Variants in CSMD1 observed in about 807,000 individuals in gnomAD.
The protein encoded by CSMD1 is CUB and sushi domain-containing protein 1.
A neutral mutation model predicts 417.5 loss-of-function variants in CSMD1; 213 were observed. The observed-to-expected ratio is 0.51, with a 90% CI of 0.46 to 0.57. The LOEUF (loss-of-function observed/expected upper bound fraction) is 0.57, where lower values mean the gene tolerates loss of function less well. Ranked by LOEUF, CSMD1 falls within the 20% of genes least tolerant of loss-of-function variation. CSMD1 has a pLI of 0.00. For missense variants in CSMD1, 6,923 were observed against 4,529.7 expected, an observed-to-expected ratio of 1.53 and a Z score of -15.17; for synonymous variants, 2,862 against 1,736.8, an observed-to-expected ratio of 1.65 and a Z score of -16.11.
chr8:4,446,680 G>C (rs1798809599), intron 2 of CSMD1, among the ~76,000 whole-genome samples: 1 of 151,832 alleles, frequency 6.6e-6, no homozygotes, highest in Non-Finnish European at 1.5e-5. Flanking sequence ...AGTCTCCTGA[G>C]TAGCTGCGAT....
intron 1 of CSMD1, among the ~76,000 whole-genome samples, chr8:4,970,748 C>CT (rs1426178433): frequency 6.6e-6 from 1 of 152,032 alleles, no homozygotes; most frequent in Non-Finnish European, 1.5e-5. Context: ...TGCCGTGGTT[C>CT]TTTTTTTGAC....
chr8:4,131,755 A>C (rs1459809161), intron 3 of CSMD1, among the ~76,000 whole-genome samples: 4 of 79,414 alleles, frequency 5.0e-5, no homozygotes, highest in Non-Finnish European at 9.9e-5. Flanking sequence ...TACAAATGTG[A>C]CTTTTTTTTT....
chr8:4,006,971 G>A (rs1008737398), intron 4 of CSMD1, among the ~76,000 whole-genome samples: 2 of 151,714 alleles, frequency 1.3e-5, no homozygotes, highest in African/African-American at 2.4e-5. Context: ...GGGACTACAG[G>A]CACACACCAC....
At chr8:3,177,344 T>G (rs1340300299) in intron 37 of CSMD1, among the ~76,000 whole-genome samples, 2 of 152,154 alleles carry the variant, frequency 1.3e-5, no homozygotes, top group East Asian at 1.9e-4. Flanking sequence ...CAGCCCCCAG[T>G]GCAGAGGCTC....
chr8:4,502,082 G>A (rs986366859), intron 2 of CSMD1, among the ~76,000 whole-genome samples: 8 of 152,014 alleles, frequency 5.3e-5, no homozygotes, highest in East Asian at 3.9e-4. Flanking sequence ...TTCTACATAT[G>A]TTACCTACAA....
At chr8:4,699,947 A>G (rs568103562) in intron 1 of CSMD1, among the ~76,000 whole-genome samples, 71 of 152,340 alleles carry the variant, frequency 4.7e-4, no homozygotes, top group Middle Eastern at 6.8e-3. Flanking sequence ...TAGGATTAGA[A>G]TAAGACAGGC....
chr8:4,006,264 A>G (rs1816102589), intron 4 of CSMD1, among the ~76,000 whole-genome samples: 1 of 152,196 alleles, frequency 6.6e-6, no homozygotes, highest in Non-Finnish European at 1.5e-5. Context: ...CACCCACAGG[A>G]TCATGACTCT....
chr8:3,901,800 T>C (rs1439162230), intron 5 of CSMD1, among the ~76,000 whole-genome samples: 1 of 152,198 alleles, frequency 6.6e-6, no homozygotes, highest in Non-Finnish European at 1.5e-5. Flanking sequence ...TTTATTAAGC[T>C]CTTGGGGTGT....
At chr8:3,782,656 C>T (rs1245641675) in intron 5 of CSMD1, among the ~76,000 whole-genome samples, 2 of 152,122 alleles carry the variant, frequency 1.3e-5, no homozygotes, top group Non-Finnish European at 2.9e-5. Context: ...TTAAAAAATG[C>T]TATATATTCT....
At chr8:3,031,795 C>T (rs1810356389) in intron 50 of CSMD1, among the ~76,000 whole-genome samples, 1 of 151,244 alleles carries the variant, frequency 6.6e-6, no homozygotes, top group Non-Finnish European at 1.5e-5. Context: ...TGATCTCTTT[C>T]TTCATGAAAA....
chr8:3,399,803 A>G, intron 15 of CSMD1, among the ~76,000 whole-genome samples: 1 of 152,172 alleles, frequency 6.6e-6, no homozygotes, highest in East Asian at 1.9e-4. Flanking sequence ...GAATTATCTC[A>G]TTTAACTGCT....
chr8:3,738,232 T>C (rs976955957), intron 6 of CSMD1, among the ~76,000 whole-genome samples: 23 of 152,156 alleles, frequency 1.5e-4, no homozygotes, highest in African/African-American at 5.5e-4. Flanking sequence ...TTTATGCTAC[T>C]TAAAAAGCAA....
rs774918523 is a variant in CSMD1 at position 2,973,153 on chromosome 8, T to C, written c.8887A>G (p.Asn2963Asp). 22 of 1,613,642 alleles carry C rather than the reference T, an allele frequency of 1.4e-5. No individual in the cohort carries two copies. The highest frequency in any genetic ancestry group is 1.8e-5 in the Non-Finnish European group (21 of 1,179,710). The change falls in exon 57 of 70, where the codon AAT becomes GAT. Residue 2963 changes from asparagine (N) to aspartate (D), a missense_variant. Physicochemically the swap from Asn to Asp is conservative, Grantham distance 23 (BLOSUM62 1). Transcript: ENST00000635120. The part of the protein sequence containing the change: ...RGSPERTCLL[N>D]GSWSGLQPVC... ...GGCTGCAGTCCTGACCATGACCCATTGAGCAAACACGTGCGTTCAGGGGAG... is the reference window on the plus strand; with the variant it reads ...GGCTGCAGTCCTGACCATGACCCATCGAGCAAACACGTGCGTTCAGGGGAG...
intron 26 of CSMD1, among the ~76,000 whole-genome samples, chr8:3,241,046 C>G (rs1156239566): frequency 6.1e-5 from 9 of 148,436 alleles, no homozygotes; most frequent in African/African-American, 2.2e-4. Context: ...GTAGAGGTAT[C>G]TCATACTTGT....
intron 5 of CSMD1, among the ~76,000 whole-genome samples, chr8:3,872,351 G>C (rs758709519): frequency 6.6e-6 from 1 of 152,190 alleles, no homozygotes; most frequent in Non-Finnish European, 1.5e-5. Flanking sequence ...CAAAGTGCCA[G>C]GTGCTGTGTT....
At chr8:3,807,998 G>T (rs1415606173) in intron 5 of CSMD1, among the ~76,000 whole-genome samples, 1 of 152,130 alleles carries the variant, frequency 6.6e-6, no homozygotes, top group Non-Finnish European at 1.5e-5. Context: ...TCATTTAAAT[G>T]CTTTAAAGTC....
At position 3,806,571 on chromosome 8, in the gene CSMD1, A is replaced by G. The variant is rs142979467; in HGVS notation, c.819-52529T>C. Among the ~76,000 whole-genome samples the G allele has an allele frequency of 7.2e-5, 11 of 152,322 alleles. No homozygotes were observed. In the South Asian group the frequency reaches 1.9e-3, roughly 26 times the overall value. On this transcript the variant is annotated intron_variant, in intron 5 of 69. Coordinates refer to ENST00000635120, the MANE Select transcript of CSMD1 (RefSeq NM_033225.6). ...ACACGCACACTTATCATAGAAATGT[A>G]AACTCCTGCAGAGCTTCTTCCCAGA...
intron 3 of CSMD1, among the ~76,000 whole-genome samples, chr8:4,114,401 T>C (rs942326106): frequency 1.8e-4 from 28 of 152,148 alleles, no homozygotes; most frequent in African/African-American, 6.8e-4. Context: ...AAGATTCCTT[T>C]CAAAATATTA....
chr8:3,806,707 G>C (rs1308982775), intron 5 of CSMD1, among the ~76,000 whole-genome samples: 1 of 152,148 alleles, frequency 6.6e-6, no homozygotes, highest in African/African-American at 2.4e-5. Context: ...CTAATGAGAG[G>C]TAATATTTCC....
Sources: allele counts gnomAD v4.1 joint callset (sites outside exome capture counted in the v4.1 genomes callset), GRCh38; gene constraint gnomAD v4.1.1; transcripts MANE v1.5; gene names NCBI Gene and HGNC (gene_info 2026-07-23, HGNC 2026-07-21).